Variants in RAB38 observed in about 807,000 individuals in gnomAD.
RAB38 encodes ras-related protein Rab-38.
A neutral mutation model predicts 18.4 loss-of-function variants in RAB38; 15 were observed. The ratio of observed to expected loss-of-function variants is 0.82; its 90% CI spans 0.55 to 1.26. RAB38 has a LOEUF of 1.26. Ranked by LOEUF, RAB38 falls within the 50% of genes most tolerant of loss-of-function variation. The probability of loss-of-function intolerance (pLI) is 0.00; values close to 1 mark genes in which losing one functional copy is unlikely to be tolerated. For synonymous variants in RAB38, 101 were observed against 104.4 expected (o/e 0.97, Z 0.20); for missense variants, 294 against 267.4 (o/e 1.10, Z -0.69).
At chr11:87,829,168 G>A in the RAB38 span, among the ~76,000 whole-genome samples, 1 of 152,172 alleles carries the variant, frequency 6.6e-6, no homozygotes, top group Non-Finnish European at 1.5e-5. Context: ...AGGAAATGGA[G>A]GATTAGAAAG....
At chr11:87,923,553 GTGTGTGTGTGTGTGTGTGTGTGCA>G in the RAB38 span, among the ~76,000 whole-genome samples, 3 of 123,478 alleles carry the variant, frequency 2.4e-5, no homozygotes, top group South Asian at 2.4e-4. Context: ...AATTCTGTGT[GTGTGTGTGTGTGTGTGTGTGTGCA>G]TGTGTGTGTG....
chr11:87,929,715 T>A, the RAB38 span, among the ~76,000 whole-genome samples: 1 of 89,378 alleles, frequency 1.1e-5, no homozygotes, highest in Non-Finnish European at 2.2e-5. Context: ...CCTTCCCCCC[T>A]CCCCCCACCC....
At chr11:87,887,045 C>T in the RAB38 span, among the ~76,000 whole-genome samples, 1 of 151,952 alleles carries the variant, frequency 6.6e-6, no homozygotes, top group African/African-American at 2.4e-5. Context: ...AAACAACTCT[C>T]TTCCCATGGG....
intron 1 of RAB38, among the ~76,000 whole-genome samples, chr11:88,159,522 C>G (rs1943164204): frequency 6.6e-6 from 1 of 151,746 alleles, no homozygotes; most frequent in Non-Finnish European, 1.5e-5. Flanking sequence ...AGACCAATAG[C>G]CAAAGTAATA....
At chr11:87,959,021 C>A in the RAB38 span, among the ~76,000 whole-genome samples, 3 of 152,116 alleles carry the variant, frequency 2.0e-5, no homozygotes, top group Admixed American at 6.6e-5. Context: ...CCTCCTTCTG[C>A]GGAACTGAAA....
chr11:88,118,984 T>A (rs1459878128), intron 2 of RAB38, among the ~76,000 whole-genome samples: 1 of 152,166 alleles, frequency 6.6e-6, no homozygotes, highest in African/African-American at 2.4e-5. Flanking sequence ...AACATTATCT[T>A]AGCCAATCTG....
the RAB38 span, among the ~76,000 whole-genome samples, chr11:88,064,878 C>T: frequency 5.3e-5 from 8 of 152,036 alleles, no homozygotes; most frequent in Non-Finnish European, 1.2e-4. Context: ...GCTAGGAATT[C>T]CTTAGGAAAT....
the RAB38 span, among the ~76,000 whole-genome samples, chr11:87,848,513 T>TTATTTA: frequency 0.015 from 2,206 of 151,464 alleles, 57 homozygotes; most frequent in African/African-American, 0.051. Flanking sequence ...GATTTTATTT[T>TTATTTA]TAACTTATTC....
chr11:88,078,501 A>ATGTGTGTGTGTG, the RAB38 span, among the ~76,000 whole-genome samples: 2 of 148,678 alleles, frequency 1.3e-5, no homozygotes, highest in African/African-American at 2.5e-5. Flanking sequence ...GTGTGTATAT[A>ATGTGTGTGTGTG]TGTGTGTGTG....
the RAB38 span, among the ~76,000 whole-genome samples, chr11:87,952,022 T>A: frequency 6.6e-6 from 1 of 152,160 alleles, no homozygotes; most frequent in Non-Finnish European, 1.5e-5. Context: ...GCTCCTCCCC[T>A]ACTGGCCTGG....
chr11:87,953,880 T>A, the RAB38 span, among the ~76,000 whole-genome samples: 1 of 152,144 alleles, frequency 6.6e-6, no homozygotes, highest in East Asian at 1.9e-4. Flanking sequence ...CATTTACTAT[T>A]TGTCAGGTTG....
the RAB38 span, among the ~76,000 whole-genome samples, chr11:87,918,466 C>T: frequency 1.3e-5 from 2 of 152,194 alleles, no homozygotes; most frequent in African/African-American, 4.8e-5. Context: ...AACTGTTTCC[C>T]ATAATGATGT....
the RAB38 span, among the ~76,000 whole-genome samples, chr11:88,045,652 C>T: frequency 6.6e-6 from 1 of 152,184 alleles, no homozygotes; most frequent in Non-Finnish European, 1.5e-5. Context: ...CTTGGCTTAG[C>T]GGCTGACGAT....
At chr11:87,851,036 C>T in the RAB38 span, among the ~76,000 whole-genome samples, 8 of 152,164 alleles carry the variant, frequency 5.3e-5, no homozygotes, top group African/African-American at 1.9e-4. Flanking sequence ...GGGGGCGGTC[C>T]CCCGTTCCCC....
the RAB38 span, among the ~76,000 whole-genome samples, chr11:87,944,801 T>C: frequency 1.3e-5 from 2 of 152,130 alleles, no homozygotes; most frequent in South Asian, 4.1e-4. Flanking sequence ...TTGAGCACCC[T>C]ATCATCCCCT....
chr11:88,141,575 A>G (rs1255403554), intron 2 of RAB38, among the ~76,000 whole-genome samples: 1 of 152,152 alleles, frequency 6.6e-6, no homozygotes, highest in Non-Finnish European at 1.5e-5. Flanking sequence ...TCATCCTTTG[A>G]TTTTTGGACA....
At chr11:87,962,544 A>C in the RAB38 span, among the ~76,000 whole-genome samples, 9 of 152,244 alleles carry the variant, frequency 5.9e-5, no homozygotes, top group East Asian at 1.5e-3. Flanking sequence ...AAAGGATATG[A>C]AGATGGAAGT....
At chr11:88,054,146 C>T in the RAB38 span, among the ~76,000 whole-genome samples, 4 of 152,114 alleles carry the variant, frequency 2.6e-5, no homozygotes, top group Non-Finnish European at 5.9e-5. Flanking sequence ...AAGAACTTAG[C>T]TATTATGAAG....
At chr11:88,171,937 T>C (rs1018770071) in intron 1 of RAB38, among the ~76,000 whole-genome samples, 4 of 152,256 alleles carry the variant, frequency 2.6e-5, no homozygotes, top group African/African-American at 9.6e-5. Context: ...TTTTAATTCA[T>C]TCCTTTTCAC....
Sources: allele counts gnomAD v4.1 joint callset (sites outside exome capture counted in the v4.1 genomes callset), GRCh38; gene constraint gnomAD v4.1.1; transcripts MANE v1.5; gene names NCBI Gene and HGNC (gene_info 2026-07-23, HGNC 2026-07-21).